The following TSBP1 variants were observed in gnomAD, a reference collection of about 807,000 sequenced individuals.
The protein encoded by TSBP1 is testis expressed basic protein 1.
A neutral mutation model predicts 68.8 loss-of-function variants in TSBP1; 56 were observed. That is an observed-to-expected ratio of 0.81 (90% CI 0.66 to 1.02). The LOEUF (loss-of-function observed/expected upper bound fraction) is 1.02. Among genes scored for constraint, TSBP1 ranks in the 50% least tolerant of loss-of-function variants. The pLI, the probability that TSBP1 is intolerant of heterozygous loss-of-function variation, is 0.00. For missense variants in TSBP1, 502 were observed against 641.2 expected, an observed-to-expected ratio of 0.78 and a Z score of 2.34; for synonymous variants, 171 against 208.7, an observed-to-expected ratio of 0.82 and a Z score of 1.56.
intron 19 of TSBP1, among the ~76,000 whole-genome samples, chr6:32,311,755 C>A (rs28732188): frequency 0.068 from 10,359 of 152,148 alleles, 408 homozygotes; most frequent in South Asian, 0.099. Flanking sequence ...ATGAGTAGCA[C>A]TTTGAGATTT....
At chr6:32,349,501 C>T (rs1562162785) in intron 9 of TSBP1, 12 of 447,154 alleles carry the variant, frequency 2.7e-5, no homozygotes, top group South Asian at 1.8e-4. Context: ...TCTGTTTTTC[C>T]AACACTTCAG....
chr6:32,326,460 A>T (rs1768230221), intron 16 of TSBP1, among the ~76,000 whole-genome samples: 1 of 152,144 alleles, frequency 6.6e-6, no homozygotes, highest in South Asian at 2.1e-4. Context: ...CATGCTGTTT[A>T]TTGCTAAATG....
chr6:32,315,581 A>C lies in TSBP1; in HGVS notation c.580+191T>G, dbSNP rs1302532313. On this transcript the variant is annotated intron_variant, in intron 19 of 22. Coordinates refer to ENST00000612031, the Ensembl canonical transcript of TSBP1. This position sits in a 1 kb window ranked among gnomAD's most constrained non-coding sequence, Gnocchi z 5.4. ...TGTCTCAAAACAAAACAAAACAAAA[A>C]AACCTAAATAATGGGAAATATTACA... Among the ~76,000 whole-genome samples, 1 of 152,146 alleles carries C rather than the reference A, an allele frequency of 6.6e-6. No homozygotes were observed. Among genetic ancestry groups the C allele is most frequent in the East Asian group, 1.9e-4 (1 of 5,192 alleles).
chr6:32,360,519 T>C (rs3129910), intron 6 of TSBP1, among the ~76,000 whole-genome samples: 72,486 of 151,984 alleles, frequency 0.48, 18,627 homozygotes, highest in Middle Eastern at 0.59. Flanking sequence ...GGAGTGCAAA[T>C]ATCTCTTCAG....
chr6:32,332,039 G>A (rs768877042), exon 15 of TSBP1: 26 of 1,599,746 alleles, frequency 1.6e-5, no homozygotes, highest in Admixed American at 3.3e-5. Context: ...CTTACCAATA[G>A]GTCCTGGAGT....
chr6:32,328,364 C>T (rs1273822225), intron 16 of TSBP1, among the ~76,000 whole-genome samples: 3 of 152,082 alleles, frequency 2.0e-5, no homozygotes, highest in Non-Finnish European at 4.4e-5. Flanking sequence ...TCTCCTGCCT[C>T]TGCCTCCTGA....
Position 32,339,492 on chromosome 6 carries a change from C to T in TSBP1, c.388+108G>A, listed in dbSNP as rs183704296. On this transcript the variant is annotated intron_variant, in intron 10 of 22. Coordinates refer to ENST00000612031, the Ensembl canonical transcript of TSBP1. Reference sequence around the variant, plus strand: ...CAGGCACATTATAGAATATCAAAATCATTACACATGGTATGCATGTATCAA... The same window carrying T: ...CAGGCACATTATAGAATATCAAAATTATTACACATGGTATGCATGTATCAA... 7.3e-5 allele frequency: 55 copies of T among 756,092 alleles called. No individual in the cohort carries two copies. The Admixed American group carries it at 9.5e-4, about 13-fold the overall frequency. 46.8% of individuals were successfully genotyped at this position (756,092 alleles called of 1,614,324 possible). A position where few individuals can be genotyped will look rare whatever the true frequency, so the allele number is the denominator to read the frequency against.
chr6:32,344,169 A>C (rs1266163780), intron 9 of TSBP1, among the ~76,000 whole-genome samples: 4 of 151,276 alleles, frequency 2.6e-5, no homozygotes, highest in Non-Finnish European at 4.4e-5. Flanking sequence ...GGTTAGTTAC[A>C]TATGTATACA....
In TSBP1 at chr6:32,292,780, A is replaced by G; in HGVS notation, c.*201T>C. On this transcript the variant is annotated 3_prime_UTR_variant, in exon 23 of 23. Coordinates refer to ENST00000612031, the Ensembl canonical transcript of TSBP1. This position sits in a 1 kb window ranked among gnomAD's most constrained non-coding sequence, Gnocchi z 4.1. ...GACGGAATCATATACGTCTTAACTT[A>G]TAAAACAAATATTTGGAAACTGAGG... 3.7e-6 allele frequency: 2 copies of G among 539,886 alleles called. No homozygotes were observed. The highest frequency in any genetic ancestry group is 3.7e-5 in the Admixed American group (1 of 27,224). The allele number at this position is 539,886 out of a possible 1,614,324, so 33.4% of individuals were successfully genotyped here.
At chr6:32,334,061 T>G (rs1325038546) in intron 14 of TSBP1, 1 of 192,954 alleles carries the variant, frequency 5.2e-6, no homozygotes, top group Non-Finnish European at 1.1e-5. Context: ...CATAAGTTAC[T>G]AAATCCTTGG....
chr6:32,334,769 C>T (rs62403046), intron 14 of TSBP1, among the ~76,000 whole-genome samples: 3,031 of 152,296 alleles, frequency 0.02, 44 homozygotes, highest in South Asian at 0.04. Flanking sequence ...CGCAGTGGCT[C>T]ACGCCTGTAA....
At chr6:32,349,270 C>G (rs1241110347) in intron 9 of TSBP1, among the ~76,000 whole-genome samples, 1 of 151,014 alleles carries the variant, frequency 6.6e-6, no homozygotes, top group African/African-American at 2.4e-5. Flanking sequence ...GCACCAAACC[C>G]TTAGTGTCAG....
rs1206293196 is a variant in TSBP1 at position 32,361,055 on chromosome 6, G to T, written c.217+5112C>A. Among the ~76,000 whole-genome samples, 2 of 151,978 alleles carry T rather than the reference G, an allele frequency of 1.3e-5. No homozygotes were observed. The highest frequency in any genetic ancestry group is 4.8e-5 in the African/African-American group (2 of 41,334). ...TTCCCCCACCCCGCAACAGGCCCCAGTGTGTGATGTTCCCCACCCTGTGTC... is the reference window on the plus strand; with the variant it reads ...TTCCCCCACCCCGCAACAGGCCCCATTGTGTGATGTTCCCCACCCTGTGTC... On this transcript the variant is annotated intron_variant, in intron 6 of 22. Coordinates refer to ENST00000612031, the Ensembl canonical transcript of TSBP1. The surrounding 1 kb of genome is among the most constrained non-coding windows in gnomAD (Gnocchi z 4.3).
intron 2 of TSBP1, among the ~76,000 whole-genome samples, chr6:32,369,377 T>TC (rs1309522517): frequency 6.7e-5 from 10 of 148,786 alleles, no homozygotes; most frequent in Non-Finnish European, 1.5e-4. Flanking sequence ...TCTGTGATTT[T>TC]TTTTTTTTTT....
intron 7 of TSBP1, 90 bp downstream of exon 7, chr6:32,355,559 A>C (rs910097242): frequency 2.1e-5 from 31 of 1,504,160 alleles, no homozygotes; most frequent in Non-Finnish European, 2.4e-5. Context: ...GACATATGAC[A>C]GGATTTCTCT....
chr6:32,318,363 G>A (rs901699501), intron 18 of TSBP1, among the ~76,000 whole-genome samples: 1 of 152,110 alleles, frequency 6.6e-6, no homozygotes, highest in African/African-American at 2.4e-5. Flanking sequence ...CTTAATACCT[G>A]GGTGATGAAA....
In TSBP1 at chr6:32,338,427, A is replaced by AC. The variant is rs28383877; in HGVS notation, c.409+551_409+552insG. Among the ~76,000 whole-genome samples the AC allele has an allele frequency of 0.063, 9,615 of 152,142 alleles. 394 individuals carry two copies. Among genetic ancestry groups the AC allele is most frequent in the Admixed American group, 0.086 (1,307 of 15,274 alleles). On this transcript the variant is annotated intron_variant, in intron 11 of 22. Transcript: ENST00000612031. This position sits in a 1 kb window ranked among gnomAD's most constrained non-coding sequence, Gnocchi z 5.5. ...TACCATTTTTTTTCCTTTTTAAATC[A>AC]ACTTCCTCTCACTTATTCCTTATTC...
chr6:32,367,390 T>C (rs1010246003), intron 4 of TSBP1, among the ~76,000 whole-genome samples: 3 of 152,142 alleles, frequency 2.0e-5, no homozygotes, highest in Non-Finnish European at 4.4e-5. Context: ...TTAGTGGTAC[T>C]GGTGTGTCCC....
At position 32,340,189 on chromosome 6, in the gene TSBP1, C is replaced by T. The variant is rs1017391601; in HGVS notation, c.350-551G>A. On this transcript the variant is annotated intron_variant, in intron 9 of 22. Coordinates refer to ENST00000612031, the Ensembl canonical transcript of TSBP1. This position sits in a 1 kb window ranked among gnomAD's most constrained non-coding sequence, Gnocchi z 4.8. ...CCCTATCTTCTTGTGTACCTTAGTA[C>T]CTTAATTATGTCATTTTAATCTCTG... Among the ~76,000 whole-genome samples, 1 of 151,930 alleles carries T rather than the reference C, an allele frequency of 6.6e-6. No homozygotes were observed. Among genetic ancestry groups the T allele is most frequent in the African/African-American group, 2.4e-5 (1 of 41,330 alleles).
Sources: gnomAD v4.1 joint callset for allele counts (sites outside exome capture counted in the v4.1 genomes callset) on GRCh38, gnomAD v4.1.1 for gene constraint, Gnocchi (gnomAD v3.1) non-coding constraint, MANE v1.5 for transcripts, NCBI Gene and HGNC (gene_info 2026-07-23, HGNC 2026-07-21) for gene names.